The following CACNA2D3 variants were observed in gnomAD, a reference collection of about 807,000 sequenced individuals.
The protein encoded by CACNA2D3 is voltage-dependent calcium channel subunit alpha-2/delta-3.
Under a neutral mutation model 160.6 loss-of-function variants are expected in CACNA2D3, and 60 were observed. That is an observed-to-expected ratio of 0.37 (90% CI 0.30 to 0.46). CACNA2D3 has a LOEUF of 0.46. Ranked by LOEUF, CACNA2D3 falls within the 20% of genes least tolerant of loss-of-function variation. The pLI, the probability that CACNA2D3 is intolerant of heterozygous loss-of-function variation, is 1.00. For missense variants in CACNA2D3, 1,205 were observed against 1,365.0 expected, an observed-to-expected ratio of 0.88 and a Z score of 1.85; for synonymous variants, 558 against 492.9, an observed-to-expected ratio of 1.13 and a Z score of -1.75.
At chr3:54,346,991 A>G (rs1479657389) in intron 3 of CACNA2D3, among the ~76,000 whole-genome samples, 1 of 152,232 alleles carries the variant, frequency 6.6e-6, no homozygotes, top group East Asian at 1.9e-4. Flanking sequence ...ATGTACATGC[A>G]TTTATAATGG....
At chr3:54,516,965 T>C (rs1404122069) in intron 5 of CACNA2D3, among the ~76,000 whole-genome samples, 3 of 152,188 alleles carry the variant, frequency 2.0e-5, no homozygotes. Context: ...ACTAGTGAGA[T>C]AGTGGAAGTT....
chr3:54,928,616 T>G (rs1701096884), intron 27 of CACNA2D3, among the ~76,000 whole-genome samples: 1 of 152,274 alleles, frequency 6.6e-6, no homozygotes, highest in Middle Eastern at 3.4e-3. Flanking sequence ...TAGCCATGGT[T>G]TCCTTTAGTG....
chr3:54,460,987 A>G (rs146003998), intron 4 of CACNA2D3, among the ~76,000 whole-genome samples: 147,955 of 151,770 alleles, frequency 0.97, 72,156 homozygotes, highest in Middle Eastern at 0.99. Context: ...TAGCATGAAG[A>G]GTTGTTGAAT....
chr3:54,915,463 C>G (rs1442447671), intron 27 of CACNA2D3, among the ~76,000 whole-genome samples: 1 of 152,188 alleles, frequency 6.6e-6, no homozygotes, highest in African/African-American at 2.4e-5. Flanking sequence ...GTACCCTCAG[C>G]AAGGCTTCTA....
Position 54,928,742 on chromosome 3 carries a change from T to G in CACNA2D3, c.2449+28874T>G, listed in dbSNP as rs555274331. On this transcript the variant is annotated intron_variant, in intron 27 of 37. Coordinates refer to ENST00000474759, the MANE Select transcript of CACNA2D3 (RefSeq NM_018398.3). ...CAGCCCCCGAGTTGAATTGACCTTT[T>G]GGTTAGTGTGACTTAAGAAATACTT... 5.9e-5 allele frequency among the ~76,000 whole-genome samples: 9 copies of G among 152,092 alleles called. 1 individual carries two copies. The highest frequency in any genetic ancestry group is 2.2e-4 in the African/African-American group (9 of 41,488).
Position 54,172,070 on chromosome 3 carries a change from G to A in CACNA2D3, c.204+48476G>A, listed in dbSNP as rs1428993773. 3.3e-5 allele frequency among the ~76,000 whole-genome samples: 5 copies of A among 152,238 alleles called. No individual in the cohort carries two copies. The East Asian group carries it at 9.7e-4, about 29-fold the overall frequency. On this transcript the variant is annotated intron_variant, in intron 2 of 37. Transcript: ENST00000474759. The stretch of plus-strand genomic sequence containing the variant: ...TGGATCTGTCGAGCATTTTCCTTGC[G>A]AGCACTCCTTTGCACAGAAGAGCGG...
intron 3 of CACNA2D3, among the ~76,000 whole-genome samples, chr3:54,323,471 T>TC (rs1228821799): frequency 2.0e-5 from 3 of 149,562 alleles, no homozygotes; most frequent in African/African-American, 4.9e-5. Context: ...TTCTTTTCTT[T>TC]TTTTTTTTTT....
At chr3:54,165,153 A>G (rs1330747010) in intron 2 of CACNA2D3, among the ~76,000 whole-genome samples, 3 of 139,214 alleles carry the variant, frequency 2.2e-5, no homozygotes, top group Non-Finnish European at 4.6e-5. Flanking sequence ...AGATGAATGA[A>G]CAAGATCGGT....
At chr3:54,466,654 A>G (rs1412284486) in intron 4 of CACNA2D3, among the ~76,000 whole-genome samples, 1 of 152,226 alleles carries the variant, frequency 6.6e-6, no homozygotes, top group Non-Finnish European at 1.5e-5. Flanking sequence ...ACATGTGGAA[A>G]AGTTCAAAAG....
chr3:54,295,190 G>C (rs1354273433), intron 2 of CACNA2D3, among the ~76,000 whole-genome samples: 1 of 152,156 alleles, frequency 6.6e-6, no homozygotes, highest in African/African-American at 2.4e-5. Flanking sequence ...TGCCAAAGGT[G>C]CATGGAGGTG....
At chr3:54,290,372 C>G (rs1212578742) in intron 2 of CACNA2D3, among the ~76,000 whole-genome samples, 1 of 152,150 alleles carries the variant, frequency 6.6e-6, no homozygotes, top group Non-Finnish European at 1.5e-5. Flanking sequence ...CCATCTCACA[C>G]CGGTTAGAAT....
chr3:54,390,025 G>C (rs908455291), intron 4 of CACNA2D3, among the ~76,000 whole-genome samples: 2 of 152,180 alleles, frequency 1.3e-5, no homozygotes, highest in African/African-American at 2.4e-5. Flanking sequence ...TTGTGCGGGA[G>C]AGAGTGAGAA....
rs1253673939 is a variant in CACNA2D3, at chr3:54,300,547, C to T, written c.205-19895C>T. Among the ~76,000 whole-genome samples, 3 of 152,308 alleles carry T rather than the reference C, an allele frequency of 2.0e-5. No individual in the cohort carries two copies. In the South Asian group the frequency reaches 6.2e-4, roughly 32 times the overall value. Reference sequence around the variant, plus strand: ...CTTAATTCTAATCCGGTCCATTGTTCATCTTCATTCATGCCTTTTCTCCCT... The same window carrying T: ...CTTAATTCTAATCCGGTCCATTGTTTATCTTCATTCATGCCTTTTCTCCCT... On this transcript the variant is annotated intron_variant, in intron 2 of 37. Coordinates refer to ENST00000474759, the MANE Select transcript of CACNA2D3 (RefSeq NM_018398.3).
chr3:54,771,158 C>T (rs1702314354), intron 13 of CACNA2D3, among the ~76,000 whole-genome samples: 1 of 152,124 alleles, frequency 6.6e-6, no homozygotes, highest in Non-Finnish European at 1.5e-5. Flanking sequence ...GAGAACAGAT[C>T]TTTCCAGACA....
chr3:54,538,902 T>A (rs1701928265), intron 5 of CACNA2D3, among the ~76,000 whole-genome samples: 1 of 152,202 alleles, frequency 6.6e-6, no homozygotes, highest in South Asian at 2.1e-4. Flanking sequence ...TTATTCTCTC[T>A]TTACGTTGGT....
intron 2 of CACNA2D3, among the ~76,000 whole-genome samples, chr3:54,252,107 T>A (rs943326267): frequency 2.7e-5 from 4 of 148,308 alleles, no homozygotes; most frequent in African/African-American, 1.0e-4. Context: ...CTAGTTTTTT[T>A]TTTTTTTGTA....
intron 27 of CACNA2D3, among the ~76,000 whole-genome samples, chr3:54,928,344 T>G (rs2106949425): frequency 6.6e-6 from 1 of 152,286 alleles, no homozygotes; most frequent in African/African-American, 2.4e-5. Flanking sequence ...TAAAACTGCC[T>G]TCTTAATCCG....
chr3:54,251,247 A>G (rs1054843660), intron 2 of CACNA2D3, among the ~76,000 whole-genome samples: 15 of 152,158 alleles, frequency 9.9e-5, no homozygotes, highest in Non-Finnish European at 1.8e-4. Context: ...AGAGCAGTGA[A>G]GAGTCTTCTG....
chr3:54,942,887 G>A (rs577295309), intron 27 of CACNA2D3, among the ~76,000 whole-genome samples: 10 of 152,120 alleles, frequency 6.6e-5, no homozygotes, highest in Admixed American at 5.9e-4. Context: ...AGCCAGGCGC[G>A]GTGGCACGTG....
Sources: allele counts gnomAD v4.1 joint callset (sites outside exome capture counted in the v4.1 genomes callset), GRCh38; gene constraint gnomAD v4.1.1; transcripts MANE v1.5; gene names NCBI Gene and HGNC (gene_info 2026-07-23, HGNC 2026-07-21).